The following RNF213 variants were observed in gnomAD, a reference collection of about 807,000 sequenced individuals.
RNF213 encodes E3 ubiquitin-protein ligase RNF213.
A neutral mutation model predicts 514.4 loss-of-function variants in RNF213; 341 were observed. The observed-to-expected ratio is 0.66, with a 90% confidence interval of 0.61 to 0.73. RNF213 has a LOEUF of 0.73. Among genes scored for constraint, RNF213 ranks in the 30% least tolerant of loss-of-function variants. The probability of loss-of-function intolerance (pLI) is 0.00; values close to 1 mark genes in which losing one functional copy is unlikely to be tolerated. For synonymous variants in RNF213, 2,655 were observed against 2,658.2 expected, an observed-to-expected ratio of 1.00 and a Z score of 0.04; for missense variants, 5,767 against 6,615.6, an observed-to-expected ratio of 0.87 and a Z score of 4.45.
chr17:80,339,061 GGAGGCC>G, intron 25 of RNF213, 134 bp from the exon 26 acceptor site: 1 of 524,906 alleles, frequency 1.9e-6, no homozygotes, highest in South Asian at 4.2e-5. Context: ...AGATGAGGAG[GGAGGCC>G]TTGTGAGCGC....
chr17:80,272,112 T>A (rs1030439392), intron 2 of RNF213, among the ~76,000 whole-genome samples: 5 of 150,986 alleles, frequency 3.3e-5, no homozygotes, highest in African/African-American at 4.9e-5. Flanking sequence ...CTGAAACCCC[T>A]GTCTCTACTA....
chr17:80,296,399 C>CGCCA (rs2044949402), intron 10 of RNF213, among the ~76,000 whole-genome samples: 1 of 152,174 alleles, frequency 6.6e-6, no homozygotes. Flanking sequence ...TGTGGCGTGA[C>CGCCA]GCCAGCCTGA....
At chr17:80,388,922 A>G in intron 64 of RNF213, 1 of 624,022 alleles carries the variant, frequency 1.6e-6, no homozygotes, top group Non-Finnish European at 2.9e-6. Flanking sequence ...ATGCATGGCC[A>G]TGCCTGCTGA....
intron 14 of RNF213, among the ~76,000 whole-genome samples, chr17:80,309,875 C>T (rs940532043): frequency 1.4e-4 from 22 of 152,008 alleles, no homozygotes; most frequent in African/African-American, 5.3e-4. Flanking sequence ...CCTGTCTCAA[C>T]CTCCCAAGTA....
intron 55 of RNF213, among the ~76,000 whole-genome samples, chr17:80,379,961 C>T (rs2079919943): frequency 6.6e-6 from 1 of 152,156 alleles, no homozygotes; most frequent in South Asian, 2.1e-4. Context: ...AATATGAATA[C>T]AGGTGTCTTC....
chr17:80,313,133 C>T lies in RNF213; in HGVS notation c.2777C>T (p.Ser926Leu), dbSNP rs773128866. 8.1e-6 allele frequency: 13 copies of T among 1,614,164 alleles called. No individual in the cohort carries two copies. The highest frequency in any genetic ancestry group is 1.1e-5 in the Non-Finnish European group (13 of 1,180,048). Reference protein sequence around the residue: ...EVFTKNMLTSSGASFTYVKEI... With the variant: ...EVFTKNMLTSLGASFTYVKEI... ...TTTACAAAGAACATGCTCACATCTTCAGGTGCCTCATTCACATACGTCAAG... is the reference window on the plus strand; with the variant it reads ...TTTACAAAGAACATGCTCACATCTTTAGGTGCCTCATTCACATACGTCAAG... Residue 926 changes from serine to leucine, a missense_variant, in exon 15 of 68, where the codon TCA becomes TTA. This residue lies in a region of RNF213 where 592 missense variants were observed against 673.9 expected (regional missense o/e 0.88). Coordinates refer to ENST00000582970, the MANE Select transcript of RNF213 (RefSeq NM_001256071.3).
At chr17:80,336,075 A>C (rs983320684) in intron 22 of RNF213, 86 bp from the exon 23 acceptor site, 47 of 1,075,524 alleles carry the variant, frequency 4.4e-5, no homozygotes, top group Non-Finnish European at 2.7e-5. Context: ...TATCCATTTC[A>C]GCTTCAGTAA....
rs2044573131 is a variant in RNF213, at chr17:80,288,837, A to C, written c.933+82A>C. The C allele has an allele frequency of 1.4e-5, 23 of 1,603,362 alleles. No homozygotes were observed. The South Asian group carries it at 2.5e-4, about 18-fold the overall frequency. Reference sequence around the variant, plus strand: ...CCTCTTTCATTTAATTATTCAGCAAATATTTAAGTGCTGGGGATATAGCCA... The same window carrying C: ...CCTCTTTCATTTAATTATTCAGCAACTATTTAAGTGCTGGGGATATAGCCA... On this transcript the variant is annotated intron_variant, in intron 5 of 67. Transcript: ENST00000582970. This position sits in a 1 kb window ranked among gnomAD's most constrained non-coding sequence, Gnocchi z 4.9.
intron 15 of RNF213, among the ~76,000 whole-genome samples, chr17:80,313,593 ATGG>A (rs761852768): frequency 1.1e-4 from 14 of 127,482 alleles, no homozygotes; most frequent in South Asian, 5.3e-4. Context: ...GGTGGAGGTG[ATGG>A]TGGTGGTGGA....
At position 80,309,008 on chromosome 17, in the gene RNF213, T is replaced by C; in HGVS notation, c.2502-10T>C. On this transcript the variant is annotated splice_polypyrimidine_tract_variant and intron_variant, in intron 13 of 67. Coordinates refer to ENST00000582970, the MANE Select transcript of RNF213 (RefSeq NM_001256071.3). ...CTTGCCGGGATTTCTCTTAACTCTTTGCGGGGCAGGATTCCCGAGGAGGCC... is the reference window on the plus strand; with the variant it reads ...CTTGCCGGGATTTCTCTTAACTCTTCGCGGGGCAGGATTCCCGAGGAGGCC... 6.2e-7 allele frequency: 1 copy of C among 1,613,838 alleles called. No homozygotes were observed. Among genetic ancestry groups the C allele is most frequent in the Non-Finnish European group, 8.5e-7 (1 of 1,179,946 alleles).
chr17:80,342,733 T>TA (rs2078194155), intron 26 of RNF213, among the ~76,000 whole-genome samples: 1 of 145,134 alleles, frequency 6.9e-6, no homozygotes, highest in Non-Finnish European at 1.5e-5. Flanking sequence ...TATATATATA[T>TA]TATATATATA....
intron 11 of RNF213, among the ~76,000 whole-genome samples, chr17:80,304,822 G>A (rs943546118): frequency 1.3e-5 from 2 of 151,860 alleles, no homozygotes; most frequent in African/African-American, 2.4e-5. Flanking sequence ...TCCACCTCCC[G>A]AACTCAGCTT....
At chr17:80,268,216 T>C (rs151260360) in intron 2 of RNF213, among the ~76,000 whole-genome samples, 53 of 152,086 alleles carry the variant, frequency 3.5e-4, no homozygotes, top group African/African-American at 1.2e-3. Flanking sequence ...GGATTCCATA[T>C]CTTGGCTATT....
intron 13 of RNF213, 39 bp downstream of exon 13, chr17:80,307,240 G>A (rs999642812): frequency 7.5e-6 from 12 of 1,589,528 alleles, no homozygotes; most frequent in Middle Eastern, 1.7e-4. Flanking sequence ...CCTCACATGC[G>A]GCCCCCGGGG....
At chr17:80,354,681 T>C in intron 36 of RNF213, 105 bp downstream of exon 36, 2 of 1,418,638 alleles carry the variant, frequency 1.4e-6, no homozygotes, top group Non-Finnish European at 2.0e-6. Context: ...CTGAGCTGTT[T>C]CTTTCCAAAC....
rs760204301 is a variant in RNF213 at position 80,263,827 on chromosome 17, A to C, written c.97+49A>C. On this transcript the variant is annotated intron_variant, in intron 2 of 67. Coordinates refer to ENST00000582970, the MANE Select transcript of RNF213 (RefSeq NM_001256071.3). This position sits in a 1 kb window ranked among gnomAD's most constrained non-coding sequence, Gnocchi z 4.9. Reference sequence around the variant, plus strand: ...AGGCTGGGGCAGTGGGGACCCCTGGAGATGTCTCACCTCCCTTCCAGGAAA... The same window carrying C: ...AGGCTGGGGCAGTGGGGACCCCTGGCGATGTCTCACCTCCCTTCCAGGAAA... 2.0e-6 allele frequency: 3 copies of C among 1,508,024 alleles called. No individual in the cohort carries two copies. Among genetic ancestry groups the C allele is most frequent in the Non-Finnish European group, 2.8e-6 (3 of 1,083,892 alleles). The allele number at this position is 1,508,024 out of a possible 1,614,324, so 93.4% of individuals were successfully genotyped here.
chr17:80,367,656 T>C, intron 42 of RNF213, 92 bp from the exon 43 acceptor site: 1 of 942,498 alleles, frequency 1.1e-6, no homozygotes, highest in Non-Finnish European at 1.7e-6. Flanking sequence ...CGGCGCAGCC[T>C]TGGCCCTGAA....
chr17:80,262,509 ACT>A, intron 1 of RNF213, among the ~76,000 whole-genome samples: 1 of 151,970 alleles, frequency 6.6e-6, no homozygotes, highest in African/African-American at 2.4e-5. Context: ...GGCCGCAGGC[ACT>A]CCTCTTGTGT....
rs764873221 is a variant in RNF213 at position 80,339,575 on chromosome 17, C to T, written c.5208C>T (p.Cys1736=). ...TGCTATCCTTCATCAAAAGCAACTG[C>T]ACCCTGAGGGATGTCTTAAGGGCCT... ...LTMLSFIKSN[C]TLRDVLRASV... is the part of the protein sequence containing the mutation. The change falls in exon 26 of 68, where the codon TGC becomes TGT. Residue 1736 remains cysteine (C), a synonymous_variant. Coordinates refer to ENST00000582970, the MANE Select transcript of RNF213 (RefSeq NM_001256071.3). 99 of 1,537,112 alleles carry T rather than the reference C, an allele frequency of 6.4e-5. No individual in the cohort carries two copies. The highest frequency in any genetic ancestry group is 7.9e-5 in the Non-Finnish European group (91 of 1,146,906).
Sources: gnomAD v4.1 joint callset for allele counts (sites outside exome capture counted in the v4.1 genomes callset) on GRCh38, gnomAD v4.1.1 for gene constraint, gnomAD v4.1.1 regional missense constraint, Gnocchi (gnomAD v3.1) non-coding constraint, MANE v1.5 for transcripts, NCBI Gene and HGNC (gene_info 2026-07-23, HGNC 2026-07-21) for gene names.